Variants in AFF1 observed in about 807,000 individuals in gnomAD.
The protein encoded by AFF1 is ALF transcription elongation factor 1.
In AFF1, 48 loss-of-function variants were observed where a neutral mutation model predicts 121.7. The observed-to-expected ratio is 0.39, with a 90% CI of 0.31 to 0.50. The LOEUF is 0.50. Ranked by LOEUF, AFF1 falls within the 20% of genes least tolerant of loss-of-function variation. The pLI is 0.76. For synonymous variants in AFF1, 613 were observed against 563.0 expected (o/e 1.09, Z -1.26); for missense variants, 1,523 against 1,511.7 (o/e 1.01, Z -0.12).
intron 2 of AFF1, among the ~76,000 whole-genome samples, chr4:86,967,602 G>C (rs985321066): frequency 6.6e-6 from 1 of 152,086 alleles, no homozygotes; most frequent in Non-Finnish European, 1.5e-5. Flanking sequence ...AGTAAGTAGT[G>C]CATGGGAGAG....
intron 4 of AFF1, among the ~76,000 whole-genome samples, chr4:87,063,561 T>C (rs925825658): frequency 5.3e-5 from 8 of 152,088 alleles, no homozygotes; most frequent in Non-Finnish European, 7.4e-5. Context: ...TTACCTTGGC[T>C]TAGAATCTGA....
At chr4:87,118,071 A>T (rs1049892934) in intron 12 of AFF1, among the ~76,000 whole-genome samples, 1 of 152,250 alleles carries the variant, frequency 6.6e-6, no homozygotes, top group African/African-American at 2.4e-5. Flanking sequence ...ATATAGTCAG[A>T]GGAATAGAAG....
At chr4:86,935,279 T>G (rs923803427) in intron 1 of AFF1, 39 bp downstream of exon 1, 24 of 152,180 alleles carry the variant, frequency 1.6e-4, no homozygotes, top group African/African-American at 5.1e-4. Flanking sequence ...TGGGGGTCGA[T>G]CCGCCCGGCC....
In AFF1 at chr4:86,942,951, C is replaced by A. The variant is rs527888579; in HGVS notation, c.-36-5547C>A. 7.9e-5 allele frequency among the ~76,000 whole-genome samples: 12 copies of A among 152,328 alleles called. No individual in the cohort carries two copies. In the East Asian group the frequency reaches 2.3e-3, roughly 29 times the overall value. ...TATTAATTTAAACAGTTATTACTTA[C>A]AGCTAAACACATTCCTAACCCATAT... On this transcript the variant is annotated intron_variant, in intron 1 of 20. Coordinates refer to ENST00000395146, the MANE Select transcript of AFF1 (RefSeq NM_001166693.3).
chr4:87,069,606 C>T (rs1721793023), intron 4 of AFF1, among the ~76,000 whole-genome samples: 3 of 150,720 alleles, frequency 2.0e-5, no homozygotes, highest in African/African-American at 7.4e-5. Flanking sequence ...TCCCTCCTTT[C>T]CCTTCCCTTT....
chr4:86,952,784 G>A (rs997803456), intron 2 of AFF1, among the ~76,000 whole-genome samples: 1 of 150,134 alleles, frequency 6.7e-6, no homozygotes, highest in Non-Finnish European at 1.5e-5. Context: ...GGGTTCAAGC[G>A]TTTCTCCTGC....
chr4:87,002,489 T>TG (rs201237779), intron 2 of AFF1, among the ~76,000 whole-genome samples: 6,623 of 132,866 alleles, frequency 0.05, 213 homozygotes, highest in Middle Eastern at 0.11. Context: ...TGGAGTGCAG[T>TG]GGTGCGATCT....
At chr4:87,060,866 A>AAC (rs1560586060) in intron 4 of AFF1, among the ~76,000 whole-genome samples, 60 of 48,514 alleles carry the variant, frequency 1.2e-3, no homozygotes, top group East Asian at 1.8e-3. Context: ...AAAAAAAAAA[A>AAC]ACACAAAAAA....
chr4:87,007,392 C>T, intron 2 of AFF1: 2 of 1,614,042 alleles, frequency 1.2e-6, no homozygotes, highest in South Asian at 1.1e-5. Context: ...AGACCCCTGG[C>T]TCTATAAGCT....
intron 8 of AFF1, among the ~76,000 whole-genome samples, chr4:87,104,340 G>A (rs1725703009): frequency 6.6e-6 from 1 of 152,184 alleles, no homozygotes; most frequent in South Asian, 2.1e-4. Context: ...AGGAGGCAGA[G>A]GTTGCAGTAA....
At chr4:87,063,261 CAG>C (rs1720980978) in intron 4 of AFF1, among the ~76,000 whole-genome samples, 1 of 21,080 alleles carries the variant, frequency 4.7e-5, no homozygotes, top group South Asian at 1.3e-3. Context: ...TTTTTTGAGA[CAG>C]AGTTTTGCTC....
In AFF1 at chr4:86,986,040, C is replaced by CAATTCAATTT. The variant is rs778774808; in HGVS notation, c.38+37473_38+37474insCAATTTAATT. On this transcript the variant is annotated intron_variant, in intron 2 of 20. Coordinates refer to ENST00000395146, the MANE Select transcript of AFF1 (RefSeq NM_001166693.3). ...CCTTTTTTTAAAATTTAATTCAATT[C>CAATTCAATTT]AATTTAATTTAATTTAATTTAATTT... 6.9e-4 allele frequency among the ~76,000 whole-genome samples: 94 copies of CAATTCAATTT among 135,610 alleles called. 1 individual carries two copies. Among genetic ancestry groups the CAATTCAATTT allele is most frequent in the African/African-American group, 2.6e-3 (88 of 33,884 alleles). The allele number at this position is 135,610 out of a possible 152,430, so 89.0% of individuals were successfully genotyped here.
Position 87,135,522 on chromosome 4 carries a change from A to G in AFF1, c.3536-58A>G, listed in dbSNP as rs1016571932. 9 of 1,448,670 alleles carry G rather than the reference A, an allele frequency of 6.2e-6. No homozygotes were observed. The African/African-American group carries it at 1.0e-4, about 16-fold the overall frequency. 89.7% of individuals were successfully genotyped at this position (1,448,670 alleles called of 1,614,324 possible). A position where few individuals can be genotyped will look rare whatever the true frequency, so the allele number is the denominator to read the frequency against. ...AACCTTGAATTTTTGTTTCCATTTT[A>G]ATTTTTGTGTGTGCTTGTGTATTTA... On this transcript the variant is annotated intron_variant, in intron 20 of 20. Coordinates refer to ENST00000395146, the MANE Select transcript of AFF1 (RefSeq NM_001166693.3).
intron 6 of AFF1, 75 bp downstream of exon 6, chr4:87,090,145 GA>G: frequency 8.4e-7 from 1 of 1,195,842 alleles, no homozygotes; most frequent in Non-Finnish European, 1.2e-6. Flanking sequence ...GAGGCAGATT[GA>G]TAAAGTATTA....
chr4:87,111,183 A>ATT (rs1383692920), intron 11 of AFF1, among the ~76,000 whole-genome samples: 1 of 58,638 alleles, frequency 1.7e-5, no homozygotes, highest in Non-Finnish European at 3.6e-5. Context: ...AATTTTTTGT[A>ATT]TTTTTTTTTT....
In AFF1 at chr4:87,140,915, CT is replaced by C; in HGVS notation, c.*5215del. On this transcript the variant is annotated 3_prime_UTR_variant, in exon 21 of 21. Transcript: ENST00000395146. ...GACAATGTGCCACAGATCTTTTGTT[CT>C]CTGTAATGAGGATTAATTGCTGTTT... The C allele has an allele frequency of 5.5e-6, 1 of 183,026 alleles. No individual in the cohort carries two copies. The highest frequency in any genetic ancestry group is 9.0e-5 in the East Asian group (1 of 11,168). The allele number at this position is 183,026 out of a possible 1,614,324, so 11.3% of individuals were successfully genotyped here. A position where few individuals can be genotyped will look rare whatever the true frequency, so the allele number is the denominator to read the frequency against.
intron 1 of AFF1, among the ~76,000 whole-genome samples, chr4:86,937,558 T>C (rs1720107383): frequency 6.6e-6 from 1 of 152,282 alleles, no homozygotes; most frequent in East Asian, 1.9e-4. Context: ...AAAATACATA[T>C]ATATTTATCA....
chr4:87,050,216 T>C (rs1379034924), intron 4 of AFF1, among the ~76,000 whole-genome samples: 1 of 145,566 alleles, frequency 6.9e-6, no homozygotes, highest in Non-Finnish European at 1.5e-5. Flanking sequence ...AGCTGTCTCT[T>C]GGTAGAGCTG....
Position 87,136,892 on chromosome 4 carries a change from A to G in AFF1, c.*1191A>G, listed in dbSNP as rs530806712. 2 of 221,332 alleles carry G rather than the reference A, an allele frequency of 9.0e-6. No homozygotes were observed. The highest frequency in any genetic ancestry group is 4.5e-5 in the African/African-American group (2 of 44,816). 13.7% of individuals were successfully genotyped at this position (221,332 alleles called of 1,614,324 possible). A position where few individuals can be genotyped will look rare whatever the true frequency, so the allele number is the denominator to read the frequency against. The stretch of plus-strand genomic sequence containing the variant: ...GTAGAGATTTGGGGTGGTTGATTAG[A>G]CTTTTGAAAAACTCATCACCACATG... On this transcript the variant is annotated 3_prime_UTR_variant, in exon 21 of 21. Transcript: ENST00000395146.
Sources: allele counts gnomAD v4.1 joint callset (sites outside exome capture counted in the v4.1 genomes callset), GRCh38; gene constraint gnomAD v4.1.1; transcripts MANE v1.5; gene names NCBI Gene and HGNC (gene_info 2026-07-23, HGNC 2026-07-21).